Variants in ZNF385B observed in about 807,000 individuals in gnomAD.
The protein encoded by ZNF385B is zinc finger protein 533.
A neutral mutation model predicts 39.2 loss-of-function variants in ZNF385B; 23 were observed. That is an observed-to-expected ratio of 0.59 (90% CI 0.42 to 0.83). The LOEUF is 0.83. Among genes scored for constraint, ZNF385B ranks in the 40% least tolerant of loss-of-function variants. The pLI, the probability that ZNF385B is intolerant of heterozygous loss-of-function variation, is 0.00. For missense variants in ZNF385B, 552 were observed against 598.9 expected (o/e 0.92, Z 0.82); for synonymous variants, 205 against 222.6 (o/e 0.92, Z 0.70).
chr2:179,596,730 T>A (rs1688030010), intron 3 of ZNF385B, among the ~76,000 whole-genome samples: 1 of 152,246 alleles, frequency 6.6e-6, no homozygotes, highest in African/African-American at 2.4e-5. Flanking sequence ...AAGCAATCTC[T>A]TACTTTTACC....
At position 179,820,542 on chromosome 2, in the gene ZNF385B, CTTTG is replaced by C. The variant is rs1188178193; in HGVS notation, c.-155+40555_-155+40558del. Among the ~76,000 whole-genome samples, 9 of 151,898 alleles carry C rather than the reference CTTTG, an allele frequency of 5.9e-5. No homozygotes were observed. The East Asian group carries it at 1.7e-3, about 29-fold the overall frequency. ...GCCTAAGTTCTGTTTATTGGTATTA[CTTTG>C]TTTCAGGATTTTTTTTCCTCCCAAT... is the stretch of plus-strand genomic sequence containing the variant. On this transcript the variant is annotated intron_variant, in intron 1 of 9. Coordinates refer to ENST00000410066, the MANE Select transcript of ZNF385B (RefSeq NM_152520.6).
chr2:179,639,249 A>AAAAG (rs71029824), intron 3 of ZNF385B, among the ~76,000 whole-genome samples: 9 of 128,684 alleles, frequency 7.0e-5, no homozygotes, highest in African/African-American at 2.2e-4. Context: ...AAAAAAAAAA[A>AAAAG]GGGGGAGAAA....
At chr2:179,745,587 T>G (rs1165577128) in intron 3 of ZNF385B, 6 of 787,878 alleles carry the variant, frequency 7.6e-6, no homozygotes, top group Non-Finnish European at 1.8e-6. Flanking sequence ...CTTTGCTCCT[T>G]CAGATGTGTC....
chr2:179,658,234 G>A (rs921110405), intron 3 of ZNF385B, among the ~76,000 whole-genome samples: 11 of 152,152 alleles, frequency 7.2e-5, no homozygotes, highest in East Asian at 1.9e-4. Context: ...TCACACAAGC[G>A]TAGGTGCTCT....
intron 3 of ZNF385B, among the ~76,000 whole-genome samples, chr2:179,603,412 T>C (rs1356248416): frequency 6.6e-6 from 1 of 152,194 alleles, no homozygotes; most frequent in African/African-American, 2.4e-5. Context: ...GTTCAGTATA[T>C]AAACATTGGT....
intron 3 of ZNF385B, among the ~76,000 whole-genome samples, chr2:179,651,417 T>C (rs1211688181): frequency 6.6e-6 from 1 of 152,164 alleles, no homozygotes; most frequent in Non-Finnish European, 1.5e-5. Context: ...TGTTTCACTT[T>C]TTTAGATTAA....
intron 1 of ZNF385B, among the ~76,000 whole-genome samples, chr2:179,847,433 G>C (rs1309000931): frequency 6.6e-6 from 1 of 152,074 alleles, no homozygotes; most frequent in South Asian, 2.1e-4. Context: ...ATTCCTACTT[G>C]TTTCACACAT....
chr2:179,827,703 T>C (rs1280564519), intron 1 of ZNF385B, among the ~76,000 whole-genome samples: 1 of 152,214 alleles, frequency 6.6e-6, no homozygotes, highest in Admixed American at 6.5e-5. Context: ...CCAAAGTTGA[T>C]GTAAACATTG....
chr2:179,483,790 TCCTAC>T (rs1183938924), intron 5 of ZNF385B, among the ~76,000 whole-genome samples: 5 of 152,156 alleles, frequency 3.3e-5, no homozygotes, highest in African/African-American at 1.2e-4. Context: ...GCTTTGAGTG[TCCTAC>T]CCATGCCTGT....
At chr2:179,688,565 C>T (rs987835730) in intron 3 of ZNF385B, among the ~76,000 whole-genome samples, 10 of 152,146 alleles carry the variant, frequency 6.6e-5, no homozygotes, top group African/African-American at 2.2e-4. Context: ...GTTGAACTAT[C>T]TCCTTTGAGT....
intron 1 of ZNF385B, among the ~76,000 whole-genome samples, chr2:179,829,639 A>G (rs1376499448): frequency 2.0e-5 from 3 of 151,848 alleles, no homozygotes; most frequent in East Asian, 1.9e-4. Context: ...TCAGCCTCCC[A>G]AGTAGCTGGG....
intron 6 of ZNF385B, chr2:179,481,126 G>A (rs553888969): frequency 6.6e-6 from 1 of 152,232 alleles, no homozygotes; most frequent in Non-Finnish European, 1.5e-5. Flanking sequence ...CACACCACTG[G>A]TATGCTTTAT....
intron 3 of ZNF385B, among the ~76,000 whole-genome samples, chr2:179,679,518 G>C (rs1383356504): frequency 6.6e-6 from 1 of 152,156 alleles, no homozygotes; most frequent in Non-Finnish European, 1.5e-5. Flanking sequence ...ACTGGATCTT[G>C]GACTAAATGG....
intron 3 of ZNF385B, among the ~76,000 whole-genome samples, chr2:179,721,784 ATAAAG>A (rs1366839266): frequency 1.3e-5 from 2 of 152,094 alleles, no homozygotes; most frequent in African/African-American, 2.4e-5. Context: ...AGTATTCCCT[ATAAAG>A]TAAAGAATAA....
At chr2:179,778,471 G>A (rs917834227) in intron 1 of ZNF385B, among the ~76,000 whole-genome samples, 1 of 152,180 alleles carries the variant, frequency 6.6e-6, no homozygotes, top group Non-Finnish European at 1.5e-5. Context: ...ACATTCTAGG[G>A]GTGGAAGGCA....
At chr2:179,543,344 G>T (rs1431685567) in intron 4 of ZNF385B, among the ~76,000 whole-genome samples, 2 of 152,148 alleles carry the variant, frequency 1.3e-5, no homozygotes, top group African/African-American at 4.8e-5. Context: ...AGCCATTTAT[G>T]ACTACTTGCA....
intron 5 of ZNF385B, among the ~76,000 whole-genome samples, chr2:179,508,240 T>C (rs955365291): frequency 1.3e-5 from 2 of 152,222 alleles, no homozygotes; most frequent in Non-Finnish European, 2.9e-5. Context: ...CAGCAACTAA[T>C]CATTTTGGAA....
chr2:179,776,958 G>A (rs1338817840), intron 1 of ZNF385B, among the ~76,000 whole-genome samples: 1 of 152,016 alleles, frequency 6.6e-6, no homozygotes, highest in East Asian at 1.9e-4. Context: ...AAGCCAATCA[G>A]ATGTCTAGCA....
chr2:179,748,393 A>G (rs1702499343), intron 3 of ZNF385B, among the ~76,000 whole-genome samples: 1 of 152,166 alleles, frequency 6.6e-6, no homozygotes, highest in Admixed American at 6.6e-5. Flanking sequence ...AATTTTCAAA[A>G]GGAAATTTTA....
Sources: gnomAD v4.1 joint callset for allele counts (sites outside exome capture counted in the v4.1 genomes callset) on GRCh38, gnomAD v4.1.1 for gene constraint, MANE v1.5 for transcripts, NCBI Gene and HGNC (gene_info 2026-07-23, HGNC 2026-07-21) for gene names.